DNAH10: variants seen among roughly 807,000 people sequenced by gnomAD.
DNAH10 encodes the protein axonemal beta dynein heavy chain 10.
Under a neutral mutation model 506.6 loss-of-function variants are expected in DNAH10, and 348 were observed. That is an observed-to-expected ratio of 0.69 (90% CI 0.63 to 0.75). The LOEUF is 0.75. Ranked by LOEUF, DNAH10 falls within the 30% of genes least tolerant of loss-of-function variation. DNAH10 has a pLI of 0.00. For missense variants in DNAH10, 5,179 were observed against 5,787.1 expected (o/e 0.89, Z 3.41); for synonymous variants, 2,059 against 2,198.6 (o/e 0.94, Z 1.78).
intron 13 of DNAH10, among the ~76,000 whole-genome samples, chr12:123,797,528 G>A (rs1423902459): frequency 6.6e-6 from 1 of 152,130 alleles, no homozygotes. Context: ...GAGTAGCGGG[G>A]CCTACAGGTG....
intron 5 of DNAH10, among the ~76,000 whole-genome samples, chr12:123,774,613 A>G (rs556257238): frequency 1.2e-4 from 19 of 152,370 alleles, no homozygotes; most frequent in African/African-American, 4.6e-4. Flanking sequence ...TGGGAAACGA[A>G]GGGATGGGCC....
rs1227474702 is a variant in DNAH10 at position 123,919,112 on chromosome 12, A to G, written c.11506+163A>G. ...TTTTTTTGAGATAGGGTCTTGCTCC[A>G]TCACCCAGGCTGGAATGCAGTGGTG... is the stretch of plus-strand genomic sequence containing the variant. On this transcript the variant is annotated intron_variant, in intron 65 of 78. Transcript: ENST00000673944. The surrounding 1 kb of genome is among the most constrained non-coding windows in gnomAD (Gnocchi z 4.9). 2 of 917,946 alleles carry G rather than the reference A, an allele frequency of 2.2e-6. No homozygotes were observed. The highest frequency in any genetic ancestry group is 3.1e-6 in the Non-Finnish European group (2 of 645,824). The allele number at this position is 917,946 out of a possible 1,614,324, so 56.9% of individuals were successfully genotyped here.
intron 51 of DNAH10, among the ~76,000 whole-genome samples, chr12:123,886,208 C>T (rs1219482569): frequency 6.6e-6 from 1 of 152,082 alleles, no homozygotes; most frequent in Non-Finnish European, 1.5e-5. Flanking sequence ...GCATTTTCCC[C>T]TAAAGTAGCG....
intron 10 of DNAH10, among the ~76,000 whole-genome samples, chr12:123,789,584 A>G (rs1046835427): frequency 2.0e-5 from 3 of 152,100 alleles, no homozygotes; most frequent in South Asian, 2.1e-4. Context: ...GGGTTTCGCC[A>G]TGTTTGCCAG....
At chr12:123,924,979 CCTTCACACATAAA>C in intron 67 of DNAH10, 58 bp from the exon 68 acceptor site, 1 of 1,580,310 alleles carries the variant, frequency 6.3e-7, no homozygotes, top group Non-Finnish European at 8.6e-7. Flanking sequence ...GCTTTTGCCA[CCTTCACACATAAA>C]TGGGGACCTA....
At chr12:123,847,845 C>T in intron 32 of DNAH10, 116 bp from the exon 33 acceptor site, 1 of 1,386,238 alleles carries the variant, frequency 7.2e-7, no homozygotes, top group Non-Finnish European at 9.7e-7. Context: ...CACATGAAAG[C>T]AAACACCACA....
chr12:123,908,257 C>T lies in DNAH10; in HGVS notation c.9816-1004C>T, dbSNP rs570155574. On this transcript the variant is annotated intron_variant, in intron 57 of 78. Transcript: ENST00000673944. Reference sequence around the variant, plus strand: ...CTCCTCCCTGTCTCTCTGTCTCCTCCCTGTCTCCCTGTCTCTGTTCTTGTG... The same window carrying T: ...CTCCTCCCTGTCTCTCTGTCTCCTCTCTGTCTCCCTGTCTCTGTTCTTGTG... 294 of 442,644 alleles carry T rather than the reference C, an allele frequency of 6.6e-4. 4 individuals are homozygous for T. Among genetic ancestry groups the T allele is most frequent in the South Asian group, 3.6e-3 (225 of 62,490 alleles). 27.4% of individuals were successfully genotyped at this position (442,644 alleles called of 1,614,324 possible).
chr12:123,852,960 TAA>T (rs10590386), intron 35 of DNAH10, among the ~76,000 whole-genome samples: 11,582 of 152,212 alleles, frequency 0.076, 511 homozygotes, highest in African/African-American at 0.12. Context: ...TTCTGTTCTT[TAA>T]ATTAAGATAG....
In DNAH10 at chr12:123,842,445, T is replaced by G. The variant is rs1950807033; in HGVS notation, c.5360+900T>G. ...ACTTATTCTATTAGATTAGACAGGA[T>G]CCCCCGTAAAGTTGGAGAATATTTG... On this transcript the variant is annotated intron_variant, in intron 30 of 78. Coordinates refer to ENST00000673944, the MANE Select transcript of DNAH10 (RefSeq NM_001372106.1). 2.0e-5 allele frequency among the ~76,000 whole-genome samples: 3 copies of G among 152,162 alleles called. No individual in the cohort carries two copies. The South Asian group carries it at 6.2e-4, about 32-fold the overall frequency.
At chr12:123,874,382 G>T (rs1435620109) in intron 46 of DNAH10, among the ~76,000 whole-genome samples, 1 of 149,844 alleles carries the variant, frequency 6.7e-6, no homozygotes, top group Non-Finnish European at 1.5e-5. Context: ...CCACCCATCT[G>T]CTATTTACCT....
intron 24 of DNAH10, among the ~76,000 whole-genome samples, chr12:123,822,406 AGACT>A (rs1188451560): frequency 1.3e-5 from 2 of 152,082 alleles, no homozygotes; most frequent in Non-Finnish European, 2.9e-5. Flanking sequence ...TCCCCAAGGG[AGACT>A]GACTATGTTA....
At chr12:123,807,187 A>ACATCCATCCATCCATC (rs3071663) in intron 18 of DNAH10, among the ~76,000 whole-genome samples, 2 of 145,660 alleles carry the variant, frequency 1.4e-5, no homozygotes, top group Non-Finnish European at 1.5e-5. Flanking sequence ...ATTCATCCCC[A>ACATCCATCCATCCATC]CATCCATCCA....
At position 123,899,757 on chromosome 12, in the gene DNAH10, C is replaced by T. The variant is rs940424860; in HGVS notation, c.9640+943C>T. 5.3e-5 allele frequency among the ~76,000 whole-genome samples: 8 copies of T among 152,274 alleles called. No homozygotes were observed. In the South Asian group the frequency reaches 1.2e-3, roughly 24 times the overall value. On this transcript the variant is annotated intron_variant, in intron 56 of 78. Transcript: ENST00000673944. ...CCGTGAAGAGACTGCATTCAGTGCC[C>T]GAGCCCAGATCCCTGAGGCGCCTCT...
At chr12:123,854,816 A>G (rs1951324758) in intron 36 of DNAH10, among the ~76,000 whole-genome samples, 1 of 152,244 alleles carries the variant, frequency 6.6e-6, no homozygotes, top group South Asian at 2.1e-4. Flanking sequence ...AGGATTTAGC[A>G]TCTTTTGCTT....
Position 123,914,371 on chromosome 12 carries a change from G to A in DNAH10, c.10395G>A (p.Lys3465=), listed in dbSNP as rs1436794369. The A allele has an allele frequency of 6.2e-7, 1 of 1,613,386 alleles. No individual in the cohort carries two copies. Among genetic ancestry groups the A allele is most frequent in the East Asian group, 2.2e-5 (1 of 44,878 alleles). The part of the protein sequence containing the change: ...DLDELMHRRV[K]LLGDCLLCAA... ...ATGAGCTGATGCACCGGCGCGTGAA[G>A]CTGCTGGGGGACTGCCTGCTCTGCG... The change falls in exon 61 of 79, where the codon AAG becomes AAA. Residue 3465 remains lysine, a synonymous_variant. Transcript: ENST00000673944.
intron 45 of DNAH10, 141 bp downstream of exon 45, chr12:123,871,743 T>C: frequency 9.7e-7 from 1 of 1,033,480 alleles, no homozygotes; most frequent in Non-Finnish European, 1.4e-6. Flanking sequence ...AGCTTCTAGC[T>C]CAGGCTCTCA....
rs1270374722 is a variant in DNAH10 at position 123,903,947 on chromosome 12, C to A, written c.9815+834C>A. Among the ~76,000 whole-genome samples the A allele has an allele frequency of 6.6e-6, 1 of 152,200 alleles. No individual in the cohort carries two copies. Among genetic ancestry groups the A allele is most frequent in the African/African-American group, 2.4e-5 (1 of 41,456 alleles). ...ACACGGGTCTCGCAGCCGAGAGGCT[C>A]CGTTCCTGGGTCAGTAATGGGCTTC... On this transcript the variant is annotated intron_variant, in intron 57 of 78. Coordinates refer to ENST00000673944, the MANE Select transcript of DNAH10 (RefSeq NM_001372106.1). The surrounding 1 kb of genome is among the most constrained non-coding windows in gnomAD (Gnocchi z 4.6).
intron 35 of DNAH10, among the ~76,000 whole-genome samples, chr12:123,851,598 C>T (rs374044393): frequency 1.7e-4 from 26 of 152,366 alleles, no homozygotes; most frequent in Admixed American, 1.3e-4. Context: ...GTCCATTGCC[C>T]AAACCAGGGA....
At chr12:123,930,709 CAGA>C in intron 73 of DNAH10, 136 bp downstream of exon 73, 1 of 835,636 alleles carries the variant, frequency 1.2e-6, no homozygotes, top group Non-Finnish European at 1.8e-6. Flanking sequence ...GGTGGCTCGG[CAGA>C]CGCTTCCTGG....
Sources: allele counts gnomAD v4.1 joint callset (sites outside exome capture counted in the v4.1 genomes callset), GRCh38; gene constraint gnomAD v4.1.1; non-coding constraint Gnocchi (gnomAD v3.1); transcripts MANE v1.5; gene names NCBI Gene and HGNC (gene_info 2026-07-23, HGNC 2026-07-21).